DCUN1D5: variants seen among roughly 807,000 people sequenced by gnomAD.
DCUN1D5 encodes the protein DCN1-like protein 5.
DCUN1D5 carries 10 observed loss-of-function variants against 38.3 expected under a neutral mutation model. The ratio of observed to expected loss-of-function variants is 0.26; its 90% CI spans 0.16 to 0.44. The LOEUF (loss-of-function observed/expected upper bound fraction) is 0.44. Ranked by LOEUF, DCUN1D5 falls within the 20% of genes least tolerant of loss-of-function variation. The pLI, the probability that DCUN1D5 is intolerant of heterozygous loss-of-function variation, is 1.00. For missense variants in DCUN1D5, 148 were observed against 275.3 expected (o/e 0.54, Z 3.27); for synonymous variants, 93 against 90.9 (o/e 1.02, Z -0.13).
rs1862756326 is a variant in DCUN1D5 at position 103,087,940 on chromosome 11, G to A, written c.178+1287C>T. On this transcript the variant is annotated intron_variant, in intron 2 of 7. Coordinates refer to ENST00000260247, the MANE Select transcript of DCUN1D5 (RefSeq NM_032299.4). The surrounding 1 kb of genome is among the most constrained non-coding windows in gnomAD (Gnocchi z 4.1). ...ATTCATACCAGTAAAACTGGCATTT[G>A]GGATAATGGGTCAACATTTTAAATG... Among the ~76,000 whole-genome samples, 1 of 152,074 alleles carries A rather than the reference G, an allele frequency of 6.6e-6. No homozygotes were observed. The highest frequency in any genetic ancestry group is 1.5e-5 in the Non-Finnish European group (1 of 68,004).
At position 103,066,506 on chromosome 11, in the gene DCUN1D5, TATC is replaced by T; in HGVS notation, c.400_402del (p.Asp134del). 1.2e-6 allele frequency: 2 copies of T among 1,612,714 alleles called. No homozygotes were observed. Among genetic ancestry groups the T allele is most frequent in the Non-Finnish European group, 1.7e-6 (2 of 1,179,282 alleles). The stretch of plus-strand genomic sequence containing the variant: ...CTGTAGATATTCTTAAATGACGAAA[TATC>T]ATTCAACTGTGAGCGCAAAAAGTCA... On this transcript the variant is annotated inframe_deletion, in exon 5 of 8. Coordinates refer to ENST00000260247, the MANE Select transcript of DCUN1D5 (RefSeq NM_032299.4). This position sits in a 1 kb window ranked among gnomAD's most constrained non-coding sequence, Gnocchi z 4.7.
rs889309681 is a variant in DCUN1D5, at chr11:103,053,759, A to G, written c.*8600T>C. 8 of 152,216 alleles carry G rather than the reference A, an allele frequency of 5.3e-5. No homozygotes were observed. Among genetic ancestry groups the G allele is most frequent in the African/African-American group, 1.9e-4 (8 of 41,544 alleles). 9.4% of individuals were successfully genotyped at this position (152,216 alleles called of 1,614,324 possible). On this transcript the variant is annotated 3_prime_UTR_variant, in exon 8 of 8. Coordinates refer to ENST00000260247, the MANE Select transcript of DCUN1D5 (RefSeq NM_032299.4). This position sits in a 1 kb window ranked among gnomAD's most constrained non-coding sequence, Gnocchi z 4.8. Reference sequence around the variant, plus strand: ...CCCCAAATAAATACATCTATTATGTATCAATGAAAAAAATGTATCTGAGTG... The same window carrying G: ...CCCCAAATAAATACATCTATTATGTGTCAATGAAAAAAATGTATCTGAGTG...
rs1047224546 is a variant in DCUN1D5, at chr11:103,064,462, T to C, written c.556-85A>G. 29 of 1,101,360 alleles carry C rather than the reference T, an allele frequency of 2.6e-5. No individual in the cohort carries two copies. Among genetic ancestry groups the C allele is most frequent in the Non-Finnish European group, 3.5e-5 (28 of 798,112 alleles). 68.2% of individuals were successfully genotyped at this position (1,101,360 alleles called of 1,614,324 possible). ...TTAGTAAACTAAGTTTTAACTGTTTTTGTGATTTGGTTTTTTCTAAAACAT... is the reference window on the plus strand; with the variant it reads ...TTAGTAAACTAAGTTTTAACTGTTTCTGTGATTTGGTTTTTTCTAAAACAT... On this transcript the variant is annotated intron_variant, in intron 6 of 7. Coordinates refer to ENST00000260247, the MANE Select transcript of DCUN1D5 (RefSeq NM_032299.4). This position sits in a 1 kb window ranked among gnomAD's most constrained non-coding sequence, Gnocchi z 4.5.
intron 4 of DCUN1D5, among the ~76,000 whole-genome samples, chr11:103,081,006 TAA>T (rs746448262): frequency 2.9e-5 from 4 of 138,586 alleles, no homozygotes; most frequent in African/African-American, 5.3e-5. Context: ...AGACTCCGTC[TAA>T]AAAAAAAAAA....
chr11:103,059,526 T>C lies in DCUN1D5; in HGVS notation c.*2833A>G, dbSNP rs1279694558. Among the ~76,000 whole-genome samples, 2 of 152,100 alleles carry C rather than the reference T, an allele frequency of 1.3e-5. No individual in the cohort carries two copies. Among genetic ancestry groups the C allele is most frequent in the Admixed American group, 6.6e-5 (1 of 15,258 alleles). ...AGTAAAAACCAATAAAATCTATACA[T>C]TATACACAAAAATGCTACTACTGTC... On this transcript the variant is annotated 3_prime_UTR_variant, in exon 8 of 8. Coordinates refer to ENST00000260247, the MANE Select transcript of DCUN1D5 (RefSeq NM_032299.4).
In DCUN1D5 at chr11:103,055,373, G is replaced by C. The variant is rs889722141; in HGVS notation, c.*6986C>G. On this transcript the variant is annotated 3_prime_UTR_variant, in exon 8 of 8. Transcript: ENST00000260247. Reference sequence around the variant, plus strand: ...AAGCCTGCCCTCTAGTGCTAAAACTGTCAAATTGAATTGGAATAGCAATTT... The same window carrying C: ...AAGCCTGCCCTCTAGTGCTAAAACTCTCAAATTGAATTGGAATAGCAATTT... 6.6e-6 allele frequency: 1 copy of C among 152,112 alleles called. No individual in the cohort carries two copies. Among genetic ancestry groups the C allele is most frequent in the African/African-American group, 2.4e-5 (1 of 41,430 alleles). 9.4% of individuals were successfully genotyped at this position (152,112 alleles called of 1,614,324 possible).
rs757387731 is a variant in DCUN1D5 at position 103,066,422 on chromosome 11, A to C, written c.450+37T>G. 1.9e-6 allele frequency: 3 copies of C among 1,593,038 alleles called. No homozygotes were observed. The highest frequency in any genetic ancestry group is 1.7e-4 in the Middle Eastern group (1 of 5,972). ...TCCTAAGTGTGGTCTCAAGATGAAAAGCTATTAAAACAACAAAACAAGAAA... is the reference window on the plus strand; with the variant it reads ...TCCTAAGTGTGGTCTCAAGATGAAACGCTATTAAAACAACAAAACAAGAAA... On this transcript the variant is annotated intron_variant, in intron 5 of 7. Transcript: ENST00000260247. The surrounding 1 kb of genome is among the most constrained non-coding windows in gnomAD (Gnocchi z 4.7).
Position 103,062,225 on chromosome 11 carries a change from A to G in DCUN1D5, c.*134T>C, listed in dbSNP as rs962039101. 2.4e-6 allele frequency: 2 copies of G among 839,682 alleles called. No individual in the cohort carries two copies. The highest frequency in any genetic ancestry group is 3.8e-6 in the Non-Finnish European group (2 of 525,352). 52.0% of individuals were successfully genotyped at this position (839,682 alleles called of 1,614,324 possible). A position where few individuals can be genotyped will look rare whatever the true frequency, so the allele number is the denominator to read the frequency against. On this transcript the variant is annotated 3_prime_UTR_variant, in exon 8 of 8. Coordinates refer to ENST00000260247, the MANE Select transcript of DCUN1D5 (RefSeq NM_032299.4). The surrounding 1 kb of genome is among the most constrained non-coding windows in gnomAD (Gnocchi z 4.6). ...GTAACAAGAAAAACCTCCTTTAAAA[A>G]AAGGAAAAAAAAGTACTATGAGAAG...
rs543629821 is a variant in DCUN1D5 at position 103,083,459 on chromosome 11, A to G, written c.179-133T>C. The G allele has an allele frequency of 1.3e-5, 7 of 535,172 alleles. No individual in the cohort carries two copies. Among genetic ancestry groups the G allele is most frequent in the East Asian group, 1.2e-4 (4 of 34,346 alleles). 33.2% of individuals were successfully genotyped at this position (535,172 alleles called of 1,614,324 possible). On this transcript the variant is annotated intron_variant, in intron 2 of 7. Coordinates refer to ENST00000260247, the MANE Select transcript of DCUN1D5 (RefSeq NM_032299.4). The surrounding 1 kb of genome is among the most constrained non-coding windows in gnomAD (Gnocchi z 4.4). ...AAATTTGAATTTTGGCATAGCTTTG[A>G]TAAGTATAAATATTTGCTACAGGAT...
chr11:103,070,816 C>T (rs776926796), intron 4 of DCUN1D5, among the ~76,000 whole-genome samples: 3 of 151,980 alleles, frequency 2.0e-5, no homozygotes, highest in Non-Finnish European at 4.4e-5. Context: ...CAGACCAATC[C>T]GGAGACATAA....
Position 103,062,425 on chromosome 11 carries a change from AG to A in DCUN1D5, c.659-12del, listed in dbSNP as rs1222722481. 1 of 1,609,944 alleles carries A rather than the reference AG, an allele frequency of 6.2e-7. No individual in the cohort carries two copies. Among genetic ancestry groups the A allele is most frequent in the Admixed American group, 1.7e-5 (1 of 58,960 alleles). ...CAAGAAGAACAGGCCCTAGAAAAAAAGAAACCATTTTTGTCAGAATTCAGTG... is the reference window on the plus strand; with the variant it reads ...CAAGAAGAACAGGCCCTAGAAAAAAAAAACCATTTTTGTCAGAATTCAGTG... On this transcript the variant is annotated splice_polypyrimidine_tract_variant and intron_variant, in intron 7 of 7. Transcript: ENST00000260247. This position sits in a 1 kb window ranked among gnomAD's most constrained non-coding sequence, Gnocchi z 4.6.
rs1436924272 is a variant in DCUN1D5, at chr11:103,059,755, G to A, written c.*2604C>T. ...AATTATTGGCCCCGAGGAGTGGGGG[G>A]GTGGGGGGGTTGCAATCTGTCCAAT... On this transcript the variant is annotated 3_prime_UTR_variant, in exon 8 of 8. Transcript: ENST00000260247. 7.1e-6 allele frequency among the ~76,000 whole-genome samples: 1 copy of A among 141,656 alleles called. No homozygotes were observed. Among genetic ancestry groups the A allele is most frequent in the African/African-American group, 2.6e-5 (1 of 38,618 alleles). 92.9% of individuals were successfully genotyped at this position (141,656 alleles called of 152,430 possible).
Position 103,092,133 on chromosome 11 carries a change from C to A in DCUN1D5, c.-261G>T. 1 of 434,832 alleles carries A rather than the reference C, an allele frequency of 2.3e-6. No individual in the cohort carries two copies. The highest frequency in any genetic ancestry group is 4.1e-6 in the Non-Finnish European group (1 of 242,874). The allele number at this position is 434,832 out of a possible 1,614,324, so 26.9% of individuals were successfully genotyped here. A position where few individuals can be genotyped will look rare whatever the true frequency, so the allele number is the denominator to read the frequency against. ...CACCGGGAGGAGATAACGCGGACAGCGCGGCAGCTCCACCAGTCACAGCAA... is the reference window on the plus strand; with the variant it reads ...CACCGGGAGGAGATAACGCGGACAGAGCGGCAGCTCCACCAGTCACAGCAA... On this transcript the variant is annotated 5_prime_UTR_variant, in exon 1 of 8. Transcript: ENST00000260247.
rs1862065696 is a variant in DCUN1D5, at chr11:103,063,617, C to T, written c.658+658G>A. 6.6e-6 allele frequency among the ~76,000 whole-genome samples: 1 copy of T among 152,058 alleles called. No individual in the cohort carries two copies. The highest frequency in any genetic ancestry group is 1.5e-5 in the Non-Finnish European group (1 of 67,978). On this transcript the variant is annotated intron_variant, in intron 7 of 7. Coordinates refer to ENST00000260247, the MANE Select transcript of DCUN1D5 (RefSeq NM_032299.4). This position sits in a 1 kb window ranked among gnomAD's most constrained non-coding sequence, Gnocchi z 4.6. ...GTAACCCTTCTGAACACTGAAAACA[C>T]ATGCAACCAACCAAAATGGTGGTTG...
At chr11:103,076,473 C>A (rs1281384097) in intron 4 of DCUN1D5, among the ~76,000 whole-genome samples, 1 of 152,100 alleles carries the variant, frequency 6.6e-6, no homozygotes, top group South Asian at 2.1e-4. Context: ...TATGTAATTT[C>A]AATAAGCTTA....
At position 103,065,377 on chromosome 11, in the gene DCUN1D5, G is replaced by A. The variant is rs983017018; in HGVS notation, c.555+892C>T. 1.8e-4 allele frequency among the ~76,000 whole-genome samples: 27 copies of A among 152,018 alleles called. No individual in the cohort carries two copies. Among genetic ancestry groups the A allele is most frequent in the East Asian group, 9.6e-4 (5 of 5,196 alleles). Reference sequence around the variant, plus strand: ...TCACCATGTTGGCCAGGCTGGTCTCGAACTCCTGGCCTCAAGTGATCTGCC... The same window carrying A: ...TCACCATGTTGGCCAGGCTGGTCTCAAACTCCTGGCCTCAAGTGATCTGCC... On this transcript the variant is annotated intron_variant, in intron 6 of 7. Transcript: ENST00000260247. The surrounding 1 kb of genome is among the most constrained non-coding windows in gnomAD (Gnocchi z 4.6).
At chr11:103,082,627 G>C (rs1217098478) in intron 4 of DCUN1D5, 121 bp downstream of exon 4, 2 of 691,360 alleles carry the variant, frequency 2.9e-6, no homozygotes, top group Non-Finnish European at 4.9e-6. Flanking sequence ...CAAACTAATT[G>C]TTATAGATCA....
rs1862107538 is a variant in DCUN1D5, at chr11:103,065,307, A to G, written c.556-930T>C. Among the ~76,000 whole-genome samples the G allele has an allele frequency of 6.6e-6, 1 of 151,986 alleles. No individual in the cohort carries two copies. Among genetic ancestry groups the G allele is most frequent in the Non-Finnish European group, 1.5e-5 (1 of 67,994 alleles). On this transcript the variant is annotated intron_variant, in intron 6 of 7. Coordinates refer to ENST00000260247, the MANE Select transcript of DCUN1D5 (RefSeq NM_032299.4). The surrounding 1 kb of genome is among the most constrained non-coding windows in gnomAD (Gnocchi z 4.6). ...GCTGGGACTACAGGCACAAACCACC[A>G]CACCCAGCTAATTTTTTGTGTGTAT...
At chr11:103,074,290 G>A (rs548540744) in intron 4 of DCUN1D5, among the ~76,000 whole-genome samples, 2 of 152,124 alleles carry the variant, frequency 1.3e-5, no homozygotes, top group African/African-American at 2.4e-5. Context: ...TTCCATGTTC[G>A]TTAGCATCTC....
Sources: allele counts gnomAD v4.1 joint callset (sites outside exome capture counted in the v4.1 genomes callset), GRCh38; gene constraint gnomAD v4.1.1; non-coding constraint Gnocchi (gnomAD v3.1); transcripts MANE v1.5; gene names NCBI Gene and HGNC (gene_info 2026-07-23, HGNC 2026-07-21).